The following ACOXL variants were observed in gnomAD, a reference collection of about 807,000 sequenced individuals.
ACOXL encodes the protein acyl-coenzyme A oxidase-like protein.
Under a neutral mutation model 71.9 loss-of-function variants are expected in ACOXL, and 70 were observed. The ratio of observed to expected loss-of-function variants is 0.97; its 90% CI spans 0.80 to 1.19. The LOEUF is 1.19. ACOXL is among the 50% of genes most tolerant of loss of function. The pLI is 0.00. For synonymous variants in ACOXL, 253 were observed against 281.6 expected (o/e 0.90, Z 1.02); for missense variants, 703 against 736.3 (o/e 0.95, Z 0.52).
intron 10 of ACOXL, among the ~76,000 whole-genome samples, chr2:110,871,368 C>T (rs1302053106): frequency 6.6e-6 from 1 of 152,086 alleles, no homozygotes; most frequent in Non-Finnish European, 1.5e-5. Flanking sequence ...ACTCCACTTC[C>T]AGGACAGAAG....
At chr2:111,057,686 G>A (rs932687868) in intron 16 of ACOXL, among the ~76,000 whole-genome samples, 1 of 152,200 alleles carries the variant, frequency 6.6e-6, no homozygotes, top group African/African-American at 2.4e-5. Context: ...CCTCCACAAA[G>A]TTCTGCTATA....
At chr2:110,790,048 C>T (rs1432169825) in intron 3 of ACOXL, among the ~76,000 whole-genome samples, 1 of 152,212 alleles carries the variant, frequency 6.6e-6, no homozygotes, top group African/African-American at 2.4e-5. Flanking sequence ...TTAGCTTTCT[C>T]CTCCCTAAAG....
At chr2:110,878,058 CA>C (rs1255793924) in intron 10 of ACOXL, among the ~76,000 whole-genome samples, 4 of 152,174 alleles carry the variant, frequency 2.6e-5, no homozygotes, top group African/African-American at 9.7e-5. Context: ...AATCTCATGT[CA>C]AAATTTAAAA....
intron 12 of ACOXL, chr2:110,968,213 G>A: frequency 2.8e-6 from 3 of 1,071,480 alleles, no homozygotes; most frequent in Non-Finnish European, 4.3e-6. Flanking sequence ...TAGGTGACTG[G>A]CAATGAATAC....
At chr2:110,812,397 A>G (rs557474371) in intron 9 of ACOXL, among the ~76,000 whole-genome samples, 2 of 152,266 alleles carry the variant, frequency 1.3e-5, no homozygotes, top group Non-Finnish European at 2.9e-5. Context: ...TGTTGTACAG[A>G]TTATTTCATC....
chr2:110,738,064 C>G (rs1268593330), intron 1 of ACOXL, among the ~76,000 whole-genome samples: 12 of 152,220 alleles, frequency 7.9e-5, no homozygotes, highest in Non-Finnish European at 1.8e-4. Context: ...CACTTCCCAT[C>G]TCTTGAGGCC....
chr2:110,997,270 C>T (rs756172016), intron 14 of ACOXL, among the ~76,000 whole-genome samples: 7 of 152,022 alleles, frequency 4.6e-5, no homozygotes, highest in Non-Finnish European at 7.4e-5. Context: ...CCTGGAAGTG[C>T]TGGGACAAAA....
intron 14 of ACOXL, among the ~76,000 whole-genome samples, chr2:111,001,008 C>G (rs1271028525): frequency 2.6e-5 from 4 of 152,182 alleles, no homozygotes; most frequent in Non-Finnish European, 1.5e-5. Flanking sequence ...AATGTGTAAT[C>G]TAAGGATGAA....
chr2:110,980,266 A>G (rs2062645202), intron 12 of ACOXL, among the ~76,000 whole-genome samples: 1 of 152,240 alleles, frequency 6.6e-6, no homozygotes, highest in Admixed American at 6.5e-5. Flanking sequence ...TGTTGTGGCT[A>G]CTAGAATAAG....
At chr2:110,845,484 T>G (rs1355857887) in intron 10 of ACOXL, among the ~76,000 whole-genome samples, 1 of 152,206 alleles carries the variant, frequency 6.6e-6, no homozygotes, top group Non-Finnish European at 1.5e-5. Flanking sequence ...TTTAGTGGCA[T>G]TAAATACATT....
At chr2:110,759,209 G>T (rs1026826083) in intron 1 of ACOXL, among the ~76,000 whole-genome samples, 1 of 152,124 alleles carries the variant, frequency 6.6e-6, no homozygotes, top group Non-Finnish European at 1.5e-5. Flanking sequence ...TCCTGAGGTT[G>T]AGTTCAGGTC....
At chr2:111,087,677 T>G (rs2068285032) in intron 16 of ACOXL, among the ~76,000 whole-genome samples, 1 of 152,136 alleles carries the variant, frequency 6.6e-6, no homozygotes, top group South Asian at 2.1e-4. Flanking sequence ...GATTAAAGAC[T>G]TAAATGTGAA....
intron 14 of ACOXL, among the ~76,000 whole-genome samples, chr2:111,009,513 C>CA (rs35134750): frequency 1.8e-3 from 203 of 114,908 alleles, no homozygotes; most frequent in Middle Eastern, 4.6e-3. Context: ...GACTCCGTCT[C>CA]AAAAAAAAAA....
At chr2:111,073,328 G>A (rs71431140) in intron 16 of ACOXL, among the ~76,000 whole-genome samples, 12,147 of 151,528 alleles carry the variant, frequency 0.08, 606 homozygotes, top group Non-Finnish European at 0.11. Context: ...AGAACTCTTC[G>A]TTAAACCTCA....
intron 10 of ACOXL, among the ~76,000 whole-genome samples, chr2:110,861,581 T>A (rs1343093293): frequency 2.0e-5 from 3 of 148,266 alleles, no homozygotes; most frequent in Admixed American, 6.8e-5. Flanking sequence ...CCGGCTATGT[T>A]GTTAAATGGT....
chr2:110,801,029 G>T (rs113640398), intron 7 of ACOXL, among the ~76,000 whole-genome samples: 1 of 152,162 alleles, frequency 6.6e-6, no homozygotes, highest in Non-Finnish European at 1.5e-5. Flanking sequence ...TTTCCCCTAG[G>T]TTAAATCTCT....
At chr2:110,964,473 A>G (rs2061841322) in intron 12 of ACOXL, among the ~76,000 whole-genome samples, 1 of 152,208 alleles carries the variant, frequency 6.6e-6, no homozygotes, top group Non-Finnish European at 1.5e-5. Flanking sequence ...ACAGTTATGC[A>G]TTGCTTAACA....
At chr2:110,889,003 C>G (rs1281740486) in intron 10 of ACOXL, among the ~76,000 whole-genome samples, 1 of 152,296 alleles carries the variant, frequency 6.6e-6, no homozygotes, top group Non-Finnish European at 1.5e-5. Flanking sequence ...AGCTTTTGTT[C>G]AAGAAATTAG....
Position 110,758,860 on chromosome 2 carries a change from A to T in ACOXL, c.-22-9508A>T, listed in dbSNP as rs559345522. ...ACACTGCTTTACCTGCGTCACAGAG[A>T]TTCTGGTACATCATTTCTTTGTTCT... On this transcript the variant is annotated intron_variant, in intron 1 of 17. Transcript: ENST00000439055. Among the ~76,000 whole-genome samples the T allele has an allele frequency of 1.2e-4, 18 of 152,290 alleles. 1 individual carries two copies. The South Asian group carries it at 3.7e-3, about 32-fold the overall frequency.
Sources: allele counts gnomAD v4.1 joint callset (sites outside exome capture counted in the v4.1 genomes callset), GRCh38; gene constraint gnomAD v4.1.1; transcripts MANE v1.5; gene names NCBI Gene and HGNC (gene_info 2026-07-23, HGNC 2026-07-21).